AGFG1: variants seen among roughly 807,000 people sequenced by gnomAD.
AGFG1 encodes the protein ArfGAP with FG repeats 1.
In AGFG1, 10 loss-of-function variants were observed where a neutral mutation model predicts 60.6. That is an observed-to-expected ratio of 0.16 (90% CI 0.10 to 0.28). The LOEUF is 0.28. Among genes scored for constraint, AGFG1 ranks in the 10% least tolerant of loss-of-function variants. The pLI is 1.00. For missense variants in AGFG1, 537 were observed against 676.5 expected (o/e 0.79, Z 2.29); for synonymous variants, 247 against 242.9 (o/e 1.02, Z -0.16).
intron 2 of AGFG1, among the ~76,000 whole-genome samples, chr2:227,505,996 C>A (rs1691301594): frequency 6.6e-6 from 1 of 152,196 alleles, no homozygotes; most frequent in Non-Finnish European, 1.5e-5. Context: ...CCTGCCTTGG[C>A]CTTCCAAAAT....
At chr2:227,510,105 A>C (rs1691450872) in intron 2 of AGFG1, among the ~76,000 whole-genome samples, 2 of 152,172 alleles carry the variant, frequency 1.3e-5, no homozygotes, top group African/African-American at 2.4e-5. Flanking sequence ...AAATTTATAA[A>C]GCTCTTTGTA....
intron 1 of AGFG1, among the ~76,000 whole-genome samples, chr2:227,485,171 T>C (rs1170097218): frequency 6.6e-6 from 1 of 151,848 alleles, no homozygotes. Flanking sequence ...ACGAGCCAAA[T>C]TTTGTTCCCT....
rs530462289 is a variant in AGFG1, at chr2:227,546,501, A to G, written c.1379-5458A>G. Among the ~76,000 whole-genome samples the G allele has an allele frequency of 1.1e-4, 16 of 152,230 alleles. No individual in the cohort carries two copies. In the South Asian group the frequency reaches 3.3e-3, roughly 32 times the overall value. ...CTCCGTGGGCTACACCCACTGTCCA[A>G]CCAGTCCCAGTGAGATGAACCCAGT... is the stretch of plus-strand genomic sequence containing the variant. On this transcript the variant is annotated intron_variant, in intron 10 of 12. Coordinates refer to ENST00000310078, the MANE Select transcript of AGFG1 (RefSeq NM_004504.5).
intron 9 of AGFG1, 86 bp downstream of exon 9, chr2:227,536,790 T>G: frequency 6.4e-7 from 1 of 1,561,440 alleles, no homozygotes. Context: ...AAAGCAATGA[T>G]TTGTTATCAG....
chr2:227,474,615 A>G (rs149911821), intron 1 of AGFG1, among the ~76,000 whole-genome samples: 87 of 152,306 alleles, frequency 5.7e-4, no homozygotes, highest in African/African-American at 1.2e-3. Context: ...TAACTGTTCT[A>G]TGGAGCGTGC....
chr2:227,482,304 T>C lies in AGFG1; in HGVS notation c.168-9243T>C, dbSNP rs186078859. Among the ~76,000 whole-genome samples the C allele has an allele frequency of 1.4e-4, 21 of 152,260 alleles. No homozygotes were observed. In the East Asian group the frequency reaches 3.3e-3, roughly 24 times the overall value. ...CTTTCCCAGAAACTCAGAATAACAA[T>C]AGGGATTTATATCATGCTTATTATT... On this transcript the variant is annotated intron_variant, in intron 1 of 12. Coordinates refer to ENST00000310078, the MANE Select transcript of AGFG1 (RefSeq NM_004504.5).
At chr2:227,552,662 T>C (rs1692853480) in intron 11 of AGFG1, among the ~76,000 whole-genome samples, 1 of 151,536 alleles carries the variant, frequency 6.6e-6, no homozygotes, top group Non-Finnish European at 1.5e-5. Flanking sequence ...AACTATGTGG[T>C]TTCTTTTTTC....
chr2:227,486,125 T>G (rs534029501), intron 1 of AGFG1, among the ~76,000 whole-genome samples: 110 of 152,348 alleles, frequency 7.2e-4, no homozygotes, highest in Non-Finnish European at 1.3e-3. Context: ...TTAAGAGAGA[T>G]ATCTGAGGTT....
chr2:227,535,228 C>T lies in AGFG1; in HGVS notation c.1205+203C>T, dbSNP rs562159521. Among the ~76,000 whole-genome samples, 6 of 152,166 alleles carry T rather than the reference C, an allele frequency of 3.9e-5. No homozygotes were observed. In the South Asian group the frequency reaches 1.2e-3, roughly 32 times the overall value. On this transcript the variant is annotated intron_variant, in intron 8 of 12. Coordinates refer to ENST00000310078, the MANE Select transcript of AGFG1 (RefSeq NM_004504.5). ...AATTTTATCTTTTCATTGAATCAGA[C>T]GTTTTGTTATGTTCTGTCCTTGAAC...
intron 3 of AGFG1, among the ~76,000 whole-genome samples, chr2:227,522,325 A>G (rs1383108848): frequency 1.3e-5 from 2 of 152,214 alleles, no homozygotes; most frequent in African/African-American, 4.8e-5. Context: ...ATTTGATTTT[A>G]TCCTTTGATA....
rs1164524284 is a variant in AGFG1 at position 227,558,354 on chromosome 2, T to C, written c.*3859T>C. 1 of 152,144 alleles carries C rather than the reference T, an allele frequency of 6.6e-6. No individual in the cohort carries two copies. Among genetic ancestry groups the C allele is most frequent in the African/African-American group, 2.4e-5 (1 of 41,450 alleles). 9.4% of individuals were successfully genotyped at this position (152,144 alleles called of 1,614,324 possible). On this transcript the variant is annotated 3_prime_UTR_variant, in exon 13 of 13. Transcript: ENST00000310078. ...CTAAAAAAACTTTAATCACTTGAATTCCTTTCATAATTTGATGAAATCAGT... is the reference window on the plus strand; with the variant it reads ...CTAAAAAAACTTTAATCACTTGAATCCCTTTCATAATTTGATGAAATCAGT...
intron 10 of AGFG1, among the ~76,000 whole-genome samples, chr2:227,549,179 A>G (rs1340795278): frequency 3.3e-5 from 5 of 152,184 alleles, no homozygotes; most frequent in Admixed American, 6.5e-5. Context: ...CTCATTTGCA[A>G]ATGAGGAAAC....
chr2:227,544,202 T>G (rs1477778205), intron 10 of AGFG1, among the ~76,000 whole-genome samples: 1 of 134,568 alleles, frequency 7.4e-6, no homozygotes, highest in Non-Finnish European at 1.5e-5. Flanking sequence ...TCACCCAGCC[T>G]GGAGTGCAGT....
rs1464722791 is a variant in AGFG1 at position 227,535,089 on chromosome 2, C to G, written c.1205+64C>G. On this transcript the variant is annotated intron_variant, in intron 8 of 12. Transcript: ENST00000310078. The stretch of plus-strand genomic sequence containing the variant: ...TCTTTTTTTTCCAACTTTGAATAAT[C>G]AATTAAAAAATGACTGTTTCAAGGT... 42 of 1,369,692 alleles carry G rather than the reference C, an allele frequency of 3.1e-5. No homozygotes were observed. The East Asian group carries it at 1.1e-3, about 36-fold the overall frequency. 84.8% of individuals were successfully genotyped at this position (1,369,692 alleles called of 1,614,324 possible). A position where few individuals can be genotyped will look rare whatever the true frequency, so the allele number is the denominator to read the frequency against.
chr2:227,526,539 CTTTT>C (rs777649930), intron 5 of AGFG1, among the ~76,000 whole-genome samples: 2 of 92,478 alleles, frequency 2.2e-5, no homozygotes, highest in Non-Finnish European at 4.2e-5. Context: ...TGCCCAGCCT[CTTTT>C]TTTTTTTTTT....
intron 2 of AGFG1, chr2:227,508,378 A>G (rs1691389897): frequency 7.9e-6 from 2 of 253,648 alleles, no homozygotes; most frequent in African/African-American, 2.2e-5. Context: ...TTCTTACTTC[A>G]TATCAAGACA....
At position 227,554,424 on chromosome 2, in the gene AGFG1, G is replaced by A. The variant is rs752493872; in HGVS notation, c.1630-12G>A. 2.5e-6 allele frequency: 4 copies of A among 1,606,868 alleles called. No homozygotes were observed. In the South Asian group the frequency reaches 4.5e-5, roughly 18 times the overall value. The stretch of plus-strand genomic sequence containing the variant: ...TTGTCTCTTTATTTATTTGTCTTAT[G>A]TTTTCCTTTAGACTGGTGCACCAAC... On this transcript the variant is annotated splice_polypyrimidine_tract_variant and intron_variant, in intron 12 of 12. Transcript: ENST00000310078.
intron 10 of AGFG1, among the ~76,000 whole-genome samples, chr2:227,545,964 C>G (rs1053845364): frequency 6.6e-6 from 1 of 152,242 alleles, no homozygotes; most frequent in Non-Finnish European, 1.5e-5. Flanking sequence ...AGGAGGCAGT[C>G]TGGCCATTCT....
intron 6 of AGFG1, among the ~76,000 whole-genome samples, chr2:227,532,959 G>A (rs961311304): frequency 6.6e-6 from 1 of 151,974 alleles, no homozygotes; most frequent in Non-Finnish European, 1.5e-5. Context: ...TATATGGTAC[G>A]GCATGATTTT....
Sources: allele counts gnomAD v4.1 joint callset (sites outside exome capture counted in the v4.1 genomes callset), GRCh38; gene constraint gnomAD v4.1.1; transcripts MANE v1.5; gene names NCBI Gene and HGNC (gene_info 2026-07-23, HGNC 2026-07-21).